The following PRR13 variants were observed in gnomAD, a reference collection of about 807,000 sequenced individuals.
PRR13 encodes proline rich 13.
PRR13 carries 7 observed loss-of-function variants against 11.5 expected under a neutral mutation model. That is an observed-to-expected ratio of 0.61 (90% confidence interval 0.34 to 1.14). PRR13 has a LOEUF of 1.14. Ranked by LOEUF, PRR13 falls within the 50% of genes most tolerant of loss-of-function variation. PRR13 has a pLI of 0.03. For synonymous variants in PRR13, 53 were observed against 67.8 expected (o/e 0.78, Z 1.07); for missense variants, 155 against 194.4 (o/e 0.80, Z 1.21).
chr12:53,442,883 A>C, intron 2 of PRR13, 150 bp downstream of exon 2: 1 of 605,510 alleles, frequency 1.7e-6, no homozygotes, highest in South Asian at 3.5e-5. Flanking sequence ...TTTTTAATTT[A>C]ATTTAATTTA....
rs1940400440 is a variant in PRR13 at position 53,446,308 on chromosome 12, A to T, written c.*249A>T. On this transcript the variant is annotated 3_prime_UTR_variant, in exon 4 of 4. Coordinates refer to ENST00000429243, the MANE Select transcript of PRR13 (RefSeq NM_018457.4). ...ATTAGGCAGGGGAGCTATTTTTTGA[A>T]GATGATGAACTAAATGTTGAAGACA... is the stretch of plus-strand genomic sequence containing the variant. 1 of 464,506 alleles carries T rather than the reference A, an allele frequency of 2.2e-6. No homozygotes were observed. Among genetic ancestry groups the T allele is most frequent in the Middle Eastern group, 5.8e-4 (1 of 1,730 alleles). The allele number at this position is 464,506 out of a possible 1,614,324, so 28.8% of individuals were successfully genotyped here.
rs1423574868 is a variant in PRR13 at position 53,446,300 on chromosome 12, T to C, written c.*241T>C. The C allele has an allele frequency of 6.2e-6, 3 of 487,202 alleles. No individual in the cohort carries two copies. The highest frequency in any genetic ancestry group is 1.0e-5 in the Non-Finnish European group (3 of 296,090). 30.2% of individuals were successfully genotyped at this position (487,202 alleles called of 1,614,324 possible). A position where few individuals can be genotyped will look rare whatever the true frequency, so the allele number is the denominator to read the frequency against. Reference sequence around the variant, plus strand: ...GCTAATGAATTAGGCAGGGGAGCTATTTTTTGAAGATGATGAACTAAATGT... The same window carrying C: ...GCTAATGAATTAGGCAGGGGAGCTACTTTTTGAAGATGATGAACTAAATGT... On this transcript the variant is annotated 3_prime_UTR_variant, in exon 4 of 4. Coordinates refer to ENST00000429243, the MANE Select transcript of PRR13 (RefSeq NM_018457.4).
At chr12:53,445,661 T>C (rs933690478) in intron 3 of PRR13, among the ~76,000 whole-genome samples, 3 of 152,206 alleles carry the variant, frequency 2.0e-5, no homozygotes, top group Non-Finnish European at 2.9e-5. Flanking sequence ...GAATAAGCAT[T>C]GAAAAGGTAA....
chr12:53,442,931 A>C, intron 2 of PRR13, 198 bp downstream of exon 2: 1 of 471,852 alleles, frequency 2.1e-6, no homozygotes. Context: ...GCCCAGGCTC[A>C]CTGCAACCTC....
At chr12:53,445,278 G>A (rs1435910460) in intron 3 of PRR13, among the ~76,000 whole-genome samples, 1 of 150,978 alleles carries the variant, frequency 6.6e-6, no homozygotes, top group Non-Finnish European at 1.5e-5. Context: ...AACCCAGGAA[G>A]TGGAGGTTGC....
At chr12:53,445,986 T>C (rs570967461) in intron 3 of PRR13, 29 bp from the exon 4 acceptor site, 1 of 1,612,002 alleles carries the variant, frequency 6.2e-7, no homozygotes, top group Non-Finnish European at 8.5e-7. Context: ...GATGCTATCT[T>C]CTTTCCCCTT....
At chr12:53,444,572 G>A (rs993300448) in intron 3 of PRR13, among the ~76,000 whole-genome samples, 4 of 152,156 alleles carry the variant, frequency 2.6e-5, no homozygotes, top group South Asian at 2.1e-4. Context: ...CTTGTGATCC[G>A]CCCGCCTTGG....
intron 3 of PRR13, among the ~76,000 whole-genome samples, chr12:53,445,050 T>G (rs1940374754): frequency 6.6e-6 from 1 of 152,124 alleles, no homozygotes; most frequent in Non-Finnish European, 1.5e-5. Flanking sequence ...TCTGGGTCTT[T>G]GATAGAAATC....
At chr12:53,441,935 AGGTTCTTGG>A in intron 1 of PRR13, 143 bp downstream of exon 1, 1 of 649,582 alleles carries the variant, frequency 1.5e-6, no homozygotes, top group East Asian at 2.7e-5. Flanking sequence ...TAAGTATTTG[AGGTTCTTGG>A]GCAACTTCCT....
At chr12:53,445,402 G>T (rs571084693) in intron 3 of PRR13, among the ~76,000 whole-genome samples, 77 of 151,942 alleles carry the variant, frequency 5.1e-4, no homozygotes, top group African/African-American at 1.8e-3. Flanking sequence ...GATTTAGTGG[G>T]GAAAAGCGGG....
rs1016415903 is a variant in PRR13, at chr12:53,444,478, C to T, written c.402+705C>T. Among the ~76,000 whole-genome samples the T allele has an allele frequency of 1.4e-4, 22 of 152,122 alleles. No homozygotes were observed. The East Asian group carries it at 2.9e-3, about 20-fold the overall frequency. On this transcript the variant is annotated intron_variant, in intron 3 of 3. Coordinates refer to ENST00000429243, the MANE Select transcript of PRR13 (RefSeq NM_018457.4). ...CCGAGTAGCTGGGACTACAGGCGCC[C>T]GCCACCGCGCCCGGCTAATTCTTTG...
In PRR13 at chr12:53,443,662, C is replaced by T; in HGVS notation, c.291C>T (p.Gly97=). The change falls in exon 3 of 4, where the codon GGC becomes GGT. Residue 97 remains glycine (G), a synonymous_variant. Coordinates refer to ENST00000429243, the MANE Select transcript of PRR13 (RefSeq NM_018457.4). ...GIPPVNPLAP[G]MVGPAVIVDK... ...CTCCTGTGAATCCCTTGGCTCCTGG[C>T]ATGGTTGGACCAGCAGTGATAGTAG... The T allele has an allele frequency of 1.2e-6, 2 of 1,614,198 alleles. No individual in the cohort carries two copies. Among genetic ancestry groups the T allele is most frequent in the South Asian group, 2.2e-5 (2 of 91,082 alleles).
At chr12:53,445,613 C>T (rs1940387200) in intron 3 of PRR13, among the ~76,000 whole-genome samples, 1 of 152,054 alleles carries the variant, frequency 6.6e-6, no homozygotes, top group Admixed American at 6.6e-5. Flanking sequence ...TTGTAGAATC[C>T]AATTTCTTAA....
chr12:53,441,792 G>A lies in PRR13; in HGVS notation c.-21G>A, dbSNP rs973617482. ...CAGCAAGCCCAGGCGGCGGTGGAAA[G>A]GTGATGGGGTATCTGGATTCCATAG... On this transcript the variant is annotated splice_region_variant and 5_prime_UTR_variant, in exon 1 of 4. Coordinates refer to ENST00000429243, the MANE Select transcript of PRR13 (RefSeq NM_018457.4). 8.5e-6 allele frequency: 6 copies of A among 702,246 alleles called. No homozygotes were observed. The highest frequency in any genetic ancestry group is 7.0e-5 in the African/African-American group (4 of 57,242). The allele number at this position is 702,246 out of a possible 1,614,324, so 43.5% of individuals were successfully genotyped here.
rs1489704248 is a variant in PRR13, at chr12:53,442,750, T to G, written c.19+17T>G. 1 of 1,605,566 alleles carries G rather than the reference T, an allele frequency of 6.2e-7. No individual in the cohort carries two copies. The highest frequency in any genetic ancestry group is 8.5e-7 in the Non-Finnish European group (1 of 1,172,260). The stretch of plus-strand genomic sequence containing the variant: ...CCAATGCCGGTAGGTGTTTGGGGGT[T>G]CTGTTCCACCCCTAACCCTTTTTCT... On this transcript the variant is annotated intron_variant, in intron 2 of 3. Transcript: ENST00000429243.
chr12:53,444,124 CAA>C (rs1940353263), intron 3 of PRR13: 1 of 403,938 alleles, frequency 2.5e-6, no homozygotes, highest in African/African-American at 2.0e-5. Flanking sequence ...GTCAAAATAC[CAA>C]AGTCATTCCT....
At chr12:53,443,007 C>T in intron 2 of PRR13, 1 of 396,114 alleles carries the variant, frequency 2.5e-6, no homozygotes, top group Non-Finnish European at 4.5e-6. Flanking sequence ...CAGACGCATG[C>T]TATCACGCCC....
intron 1 of PRR13, chr12:53,442,133 C>G (rs145160743): frequency 9.8e-5 from 39 of 396,240 alleles, no homozygotes; most frequent in Non-Finnish European, 1.4e-4. Context: ...CTGCCTACTT[C>G]CGAAGAGTTA....
intron 3 of PRR13, 97 bp downstream of exon 3, chr12:53,443,870 T>TGA (rs1372899760): frequency 7.3e-7 from 1 of 1,370,776 alleles, no homozygotes; most frequent in Non-Finnish European, 9.9e-7. Context: ...TCTGTGGACG[T>TGA]GAGGGATGAC....
Sources: allele counts gnomAD v4.1 joint callset (sites outside exome capture counted in the v4.1 genomes callset), GRCh38; gene constraint gnomAD v4.1.1; transcripts MANE v1.5; gene names NCBI Gene and HGNC (gene_info 2026-07-23, HGNC 2026-07-21).